The following CNTNAP2 variants were observed in gnomAD, a reference collection of about 807,000 sequenced individuals.
CNTNAP2 encodes the protein contactin associated protein 2, also known as contactin-associated protein-like 2.
Under a neutral mutation model 155.2 loss-of-function variants are expected in CNTNAP2, and 98 were observed. The ratio of observed to expected loss-of-function variants is 0.63; its 90% CI spans 0.54 to 0.75. The LOEUF (loss-of-function observed/expected upper bound fraction) is 0.75. CNTNAP2 is among the 30% of genes least tolerant of loss of function. The pLI is 0.00. For synonymous variants in CNTNAP2, 651 were observed against 631.2 expected, an observed-to-expected ratio of 1.03 and a Z score of -0.47; for missense variants, 1,727 against 1,688.1, an observed-to-expected ratio of 1.02 and a Z score of -0.40.
chr7:146,785,455 T>A (rs1802559804), intron 2 of CNTNAP2, among the ~76,000 whole-genome samples: 1 of 152,248 alleles, frequency 6.6e-6, no homozygotes, highest in South Asian at 2.1e-4. Flanking sequence ...GAATATTTTC[T>A]AAATGTGTGA....
intron 18 of CNTNAP2, among the ~76,000 whole-genome samples, chr7:148,182,800 T>G (rs1795059325): frequency 6.6e-6 from 1 of 152,232 alleles, no homozygotes; most frequent in Admixed American, 6.5e-5. Flanking sequence ...TTACCTTCAT[T>G]TTCTCAAGAG....
intron 3 of CNTNAP2, among the ~76,000 whole-genome samples, chr7:146,882,104 G>A (rs1253357817): frequency 1.3e-5 from 2 of 151,974 alleles, no homozygotes; most frequent in African/African-American, 4.8e-5. Context: ...TTAGGATAAT[G>A]GCTTCCAGCT....
intron 13 of CNTNAP2, among the ~76,000 whole-genome samples, chr7:147,861,894 A>G (rs1799139406): frequency 6.7e-6 from 1 of 150,132 alleles, no homozygotes; most frequent in Admixed American, 6.7e-5. Flanking sequence ...TGTACTCGGG[A>G]GGCTAAGGTG....
intron 13 of CNTNAP2, among the ~76,000 whole-genome samples, chr7:147,816,019 T>C (rs17824941): frequency 0.16 from 24,234 of 152,206 alleles, 2,229 homozygotes; most frequent in Middle Eastern, 0.28. Flanking sequence ...GTTGAGACTA[T>C]TGCTTAATGT....
chr7:147,687,720 A>G (rs536967352), intron 13 of CNTNAP2, among the ~76,000 whole-genome samples: 46 of 152,254 alleles, frequency 3.0e-4, no homozygotes, highest in Middle Eastern at 3.4e-3. Context: ...AATAAATGTA[A>G]TGACCAATTA....
chr7:146,874,027 TA>T (rs1795369891), intron 3 of CNTNAP2, among the ~76,000 whole-genome samples: 1 of 151,952 alleles, frequency 6.6e-6, no homozygotes, highest in South Asian at 2.1e-4. Flanking sequence ...TCAGGAGAAA[TA>T]AATCAGAAAG....
chr7:148,002,469 C>T (rs1317369017), intron 15 of CNTNAP2, among the ~76,000 whole-genome samples: 5 of 151,990 alleles, frequency 3.3e-5, no homozygotes, highest in Non-Finnish European at 5.9e-5. Flanking sequence ...AGATTTGAAA[C>T]CCTCTGAAGG....
intron 1 of CNTNAP2, among the ~76,000 whole-genome samples, chr7:146,691,528 G>T (rs897284961): frequency 5.9e-5 from 9 of 152,088 alleles, no homozygotes; most frequent in Non-Finnish European, 1.3e-4. Flanking sequence ...ACGCAGAGTT[G>T]TATGGGCACT....
At chr7:147,992,624 A>G (rs1801731126) in intron 15 of CNTNAP2, among the ~76,000 whole-genome samples, 1 of 152,230 alleles carries the variant, frequency 6.6e-6, no homozygotes, top group Non-Finnish European at 1.5e-5. Flanking sequence ...AAGTAAATGA[A>G]TATCTTCAAG....
intron 9 of CNTNAP2, among the ~76,000 whole-genome samples, chr7:147,323,339 T>TAGTC (rs1795388572): frequency 2.4e-5 from 3 of 125,014 alleles, no homozygotes; most frequent in African/African-American, 9.6e-5. Context: ...ATGTACCCAG[T>TAGTC]AGTCATTCAG....
chr7:147,305,769 T>G (rs1054930581), intron 9 of CNTNAP2, among the ~76,000 whole-genome samples: 4 of 152,132 alleles, frequency 2.6e-5, no homozygotes, highest in African/African-American at 9.7e-5. Flanking sequence ...CACGGTGGCT[T>G]AAAACAACAT....
At chr7:147,897,627 G>A (rs946847839) in intron 13 of CNTNAP2, among the ~76,000 whole-genome samples, 3 of 152,182 alleles carry the variant, frequency 2.0e-5, no homozygotes, top group Non-Finnish European at 2.9e-5. Flanking sequence ...ATTTCATGAG[G>A]TCAAAATGGA....
chr7:146,983,928 T>C (rs963282976), intron 3 of CNTNAP2, among the ~76,000 whole-genome samples: 2 of 152,194 alleles, frequency 1.3e-5, no homozygotes, highest in African/African-American at 4.8e-5. Flanking sequence ...ACTTAGAAGA[T>C]GTTTTCTTTA....
At chr7:146,515,276 G>T (rs1304963634) in intron 1 of CNTNAP2, among the ~76,000 whole-genome samples, 3 of 151,992 alleles carry the variant, frequency 2.0e-5, no homozygotes, top group Non-Finnish European at 4.4e-5. Context: ...TTAACTTACT[G>T]CAGAGGAATC....
intron 13 of CNTNAP2, among the ~76,000 whole-genome samples, chr7:147,775,405 A>G (rs868478592): frequency 3.1e-5 from 3 of 98,294 alleles, no homozygotes; most frequent in Non-Finnish European, 6.0e-5. Flanking sequence ...ATATATATTT[A>G]TATATATATT....
At chr7:146,165,918 C>G (rs1416442230) in intron 1 of CNTNAP2, among the ~76,000 whole-genome samples, 2 of 152,102 alleles carry the variant, frequency 1.3e-5, no homozygotes, top group East Asian at 3.9e-4. Context: ...CTTGCAGTAT[C>G]ATAGTAATCA....
intron 4 of CNTNAP2, among the ~76,000 whole-genome samples, chr7:147,059,654 A>G (rs1799626009): frequency 6.6e-6 from 1 of 152,178 alleles, no homozygotes; most frequent in Non-Finnish European, 1.5e-5. Context: ...TATTGGAGCT[A>G]GGAACTGAGC....
chr7:148,294,432 T>C (rs2116486765), intron 21 of CNTNAP2, among the ~76,000 whole-genome samples: 1 of 152,362 alleles, frequency 6.6e-6, no homozygotes, highest in Admixed American at 6.5e-5. Flanking sequence ...TTATCAGTTT[T>C]GGAAAACAAA....
chr7:146,792,395 A>C (rs1802690565), intron 2 of CNTNAP2, among the ~76,000 whole-genome samples: 1 of 152,208 alleles, frequency 6.6e-6, no homozygotes, highest in African/African-American at 2.4e-5. Context: ...AAATAGGCTA[A>C]GATCAATTCT....
Sources: gnomAD v4.1 joint callset for allele counts (sites outside exome capture counted in the v4.1 genomes callset) on GRCh38, gnomAD v4.1.1 for gene constraint, MANE v1.5 for transcripts, NCBI Gene and HGNC (gene_info 2026-07-23, HGNC 2026-07-21) for gene names.